The following NR1H4 variants were observed in gnomAD, a reference collection of about 807,000 sequenced individuals.
The protein encoded by NR1H4 is bile acid receptor.
NR1H4 carries 23 observed loss-of-function variants against 58.5 expected under a neutral mutation model. The ratio of observed to expected loss-of-function variants is 0.39; its 90% CI spans 0.28 to 0.56. NR1H4 has a LOEUF of 0.56. NR1H4 is among the 20% of genes least tolerant of loss of function. The pLI is 0.58. For missense variants in NR1H4, 487 were observed against 576.9 expected, an observed-to-expected ratio of 0.84 and a Z score of 1.60; for synonymous variants, 214 against 198.0, an observed-to-expected ratio of 1.08 and a Z score of -0.68.
chr12:100,513,811 AGG>A (rs1470705539), intron 4 of NR1H4, among the ~76,000 whole-genome samples: 1 of 23,950 alleles, frequency 4.2e-5, no homozygotes, highest in Non-Finnish European at 1.0e-4. Flanking sequence ...AAAGGAAGGA[AGG>A]AAGGAAGGAA....
chr12:100,504,052 G>A (rs1185327074), intron 3 of NR1H4, among the ~76,000 whole-genome samples: 1 of 151,808 alleles, frequency 6.6e-6, no homozygotes, highest in Non-Finnish European at 1.5e-5. Context: ...TAAAACCGTA[G>A]GTTGTGGTAA....
chr12:100,553,139 C>T (rs1955242842), intron 9 of NR1H4, among the ~76,000 whole-genome samples: 1 of 152,136 alleles, frequency 6.6e-6, no homozygotes, highest in African/African-American at 2.4e-5. Flanking sequence ...GCTGGGACTA[C>T]AGGCGCGTGC....
At chr12:100,561,242 C>CA (rs914441878) in intron 9 of NR1H4, among the ~76,000 whole-genome samples, 1 of 151,732 alleles carries the variant, frequency 6.6e-6, no homozygotes, top group African/African-American at 2.4e-5. Flanking sequence ...TAAAAAATAC[C>CA]AAAAAATTAG....
intron 4 of NR1H4, among the ~76,000 whole-genome samples, chr12:100,512,250 T>C (rs141538034): frequency 6.6e-6 from 1 of 151,922 alleles, no homozygotes; most frequent in African/African-American, 2.4e-5. Context: ...ATATATTTTA[T>C]TTAGCAGTAA....
chr12:100,542,787 T>C (rs559306641), intron 9 of NR1H4, among the ~76,000 whole-genome samples: 48 of 152,336 alleles, frequency 3.2e-4, no homozygotes, highest in Non-Finnish European at 5.6e-4. Context: ...TTATGTTTTT[T>C]TCCTAGTTAA....
chr12:100,529,974 G>A (rs546836135), intron 4 of NR1H4, among the ~76,000 whole-genome samples: 5 of 152,218 alleles, frequency 3.3e-5, no homozygotes, highest in African/African-American at 1.2e-4. Context: ...ATATGGTGTG[G>A]ACCTGCTTCT....
intron 1 of NR1H4, among the ~76,000 whole-genome samples, chr12:100,484,437 T>C (rs1953447845): frequency 6.6e-6 from 1 of 152,218 alleles, no homozygotes; most frequent in Admixed American, 6.5e-5. Context: ...CCAGTAACTA[T>C]GTGTCTTATC....
chr12:100,493,477 G>T, intron 3 of NR1H4, 75 bp downstream of exon 3: 1 of 761,064 alleles, frequency 1.3e-6, no homozygotes, highest in Admixed American at 2.0e-5. Context: ...ATGCCTAGAT[G>T]ATGAGTCCAG....
Position 100,563,387 on chromosome 12 carries a change from A to G in NR1H4, c.1329A>G (p.Glu443=), listed in dbSNP as rs1288510222. ...CCTGTCTCCTGGGTCGCCTGACTGA[A>G]TTACGGACATTCAATCATCACCACG... is the stretch of plus-strand genomic sequence containing the variant. ...HFACLLGRLT[E]LRTFNHHHAE... Residue 443 remains glutamate (E), a synonymous_variant, in exon 11 of 11, where the codon GAA becomes GAG. Transcript: ENST00000392986. 6.2e-7 allele frequency: 1 copy of G among 1,614,024 alleles called. No individual in the cohort carries two copies. The highest frequency in any genetic ancestry group is 1.3e-5 in the African/African-American group (1 of 74,908).
chr12:100,513,597 C>T (rs1954180474), intron 4 of NR1H4, among the ~76,000 whole-genome samples: 1 of 152,136 alleles, frequency 6.6e-6, no homozygotes, highest in Non-Finnish European at 1.5e-5. Flanking sequence ...GAGTTCAAGA[C>T]CAGCCTGGCC....
chr12:100,514,171 T>C (rs773010381), intron 4 of NR1H4, among the ~76,000 whole-genome samples: 3 of 152,196 alleles, frequency 2.0e-5, no homozygotes, highest in Admixed American at 2.0e-4. Flanking sequence ...GGTAACGAAC[T>C]TCTCATTATT....
At chr12:100,545,641 C>CAA (rs35404680) in intron 9 of NR1H4, among the ~76,000 whole-genome samples, 253 of 7,844 alleles carry the variant, frequency 0.032, 52 homozygotes, top group Non-Finnish European at 0.035. Context: ...GACCTTGTCT[C>CAA]AAAAAAAAAA....
intron 9 of NR1H4, among the ~76,000 whole-genome samples, chr12:100,559,417 G>A (rs1293067023): frequency 6.6e-6 from 1 of 152,188 alleles, no homozygotes. Flanking sequence ...TGCGTGCAGC[G>A]CTTGCAGGCC....
chr12:100,490,858 A>G (rs1953590220), intron 1 of NR1H4, among the ~76,000 whole-genome samples: 1 of 152,162 alleles, frequency 6.6e-6, no homozygotes, highest in African/African-American at 2.4e-5. Flanking sequence ...TGGCATGATC[A>G]GAGTTCACTG....
At chr12:100,484,196 A>G (rs1695090255) in intron 1 of NR1H4, among the ~76,000 whole-genome samples, 1 of 152,206 alleles carries the variant, frequency 6.6e-6, no homozygotes, top group South Asian at 2.1e-4. Context: ...CTTGATATGT[A>G]GAGTTCATAG....
intron 4 of NR1H4, among the ~76,000 whole-genome samples, chr12:100,516,523 C>T (rs1046580375): frequency 4.6e-5 from 7 of 152,044 alleles, no homozygotes; most frequent in African/African-American, 9.7e-5. Flanking sequence ...CCTGCCACCA[C>T]GCCCGGCTAA....
At chr12:100,515,709 T>G (rs889604299) in intron 4 of NR1H4, among the ~76,000 whole-genome samples, 1 of 152,218 alleles carries the variant, frequency 6.6e-6, no homozygotes, top group Non-Finnish European at 1.5e-5. Context: ...CTATTGTTAT[T>G]ATTGTTATGG....
At chr12:100,547,615 G>T (rs976957732) in intron 9 of NR1H4, among the ~76,000 whole-genome samples, 2 of 152,108 alleles carry the variant, frequency 1.3e-5, no homozygotes, top group Non-Finnish European at 2.9e-5. Context: ...ACACCTTGGG[G>T]CTCCCATGAT....
At chr12:100,479,502 G>C (rs149636457) in intron 1 of NR1H4, among the ~76,000 whole-genome samples, 1 of 152,070 alleles carries the variant, frequency 6.6e-6, no homozygotes, top group Non-Finnish European at 1.5e-5. Flanking sequence ...AACTATTTAG[G>C]GTTGCTCAGA....
Sources: gnomAD v4.1 joint callset for allele counts (sites outside exome capture counted in the v4.1 genomes callset) on GRCh38, gnomAD v4.1.1 for gene constraint, MANE v1.5 for transcripts, NCBI Gene and HGNC (gene_info 2026-07-23, HGNC 2026-07-21) for gene names.